Variants in RABL6 observed in about 807,000 individuals in gnomAD.
The protein encoded by RABL6 is RAB, member RAS oncogene family like 6, also known as rab-like protein 6.
In RABL6, 28 loss-of-function variants were observed where a neutral mutation model predicts 72.9. The ratio of observed to expected loss-of-function variants is 0.38; its 90% CI spans 0.28 to 0.53. The LOEUF (loss-of-function observed/expected upper bound fraction) is 0.53. Ranked by LOEUF, RABL6 falls within the 20% of genes least tolerant of loss-of-function variation. RABL6 has a pLI of 0.80. For synonymous variants in RABL6, 477 were observed against 421.2 expected, an observed-to-expected ratio of 1.13 and a Z score of -1.62; for missense variants, 1,029 against 1,008.4, an observed-to-expected ratio of 1.02 and a Z score of -0.28.
Position 136,812,759 on chromosome 9 carries a change from A to G in RABL6, c.130+4433A>G, listed in dbSNP as rs937565075. The stretch of plus-strand genomic sequence containing the variant: ...CAGCGTCCTTTCTTTCAAATGGGAG[A>G]GGGAAAGACAAAGGGACAGAAGCCG... On this transcript the variant is annotated intron_variant, in intron 1 of 14. Transcript: ENST00000311502. The G allele has an allele frequency of 4.4e-5, 14 of 320,566 alleles. No individual in the cohort carries two copies. The South Asian group carries it at 4.6e-4, about 10-fold the overall frequency. The allele number at this position is 320,566 out of a possible 1,614,324, so 19.9% of individuals were successfully genotyped here. A position where few individuals can be genotyped will look rare whatever the true frequency, so the allele number is the denominator to read the frequency against.
intron 7 of RABL6, chr9:136,834,603 C>T (rs780484928): frequency 4.2e-5 from 20 of 476,088 alleles, no homozygotes; most frequent in Non-Finnish European, 5.2e-5. Flanking sequence ...CTAAGCCTCC[C>T]AAGTAGCTGG....
At chr9:136,818,061 C>CAAAAAAA (rs35850059) in intron 1 of RABL6, among the ~76,000 whole-genome samples, 2 of 78,478 alleles carry the variant, frequency 2.5e-5, no homozygotes, top group Non-Finnish European at 4.5e-5. Context: ...GACTCCATCT[C>CAAAAAAA]AAAAAAAAAA....
intron 5 of RABL6, among the ~76,000 whole-genome samples, chr9:136,829,730 G>A (rs113350986): frequency 1.4e-4 from 22 of 152,378 alleles, no homozygotes; most frequent in African/African-American, 5.1e-4. Context: ...CTGGGGCAAG[G>A]CACGCACCTT....
intron 1 of RABL6, chr9:136,813,619 C>CT: frequency 3.4e-6 from 1 of 297,510 alleles, no homozygotes; most frequent in South Asian, 4.2e-5. Context: ...TCTTCAAACA[C>CT]TTTTTTGTTT....
chr9:136,835,564 G>A (rs950795648), intron 7 of RABL6, 178 bp from the exon 8 acceptor site: 2 of 587,768 alleles, frequency 3.4e-6, no homozygotes, highest in Non-Finnish European at 6.0e-6. Flanking sequence ...AATCCTCTGG[G>A]CTTCTGTGGT....
In RABL6 at chr9:136,829,504, G is replaced by A. The variant is rs754092358; in HGVS notation, c.458+20G>A. On this transcript the variant is annotated intron_variant, in intron 5 of 14. Coordinates refer to ENST00000311502, the MANE Select transcript of RABL6 (RefSeq NM_024718.5). Reference sequence around the variant, plus strand: ...GCAGTGGTAAGAGGGAGCTGGCGGGGGCAGCTGCCTGTGACTCTCACCCCC... The same window carrying A: ...GCAGTGGTAAGAGGGAGCTGGCGGGAGCAGCTGCCTGTGACTCTCACCCCC... The A allele has an allele frequency of 6.4e-6, 10 of 1,558,394 alleles. No individual in the cohort carries two copies. Among genetic ancestry groups the A allele is most frequent in the Non-Finnish European group, 7.8e-6 (9 of 1,150,430 alleles).
In RABL6 at chr9:136,807,955, G is replaced by A. The variant is rs1329314918; in HGVS notation, c.-242G>A. The A allele has an allele frequency of 2.0e-6, 2 of 1,000,286 alleles. No homozygotes were observed. The highest frequency in any genetic ancestry group is 2.4e-6 in the Non-Finnish European group (2 of 841,500). 62.0% of individuals were successfully genotyped at this position (1,000,286 alleles called of 1,614,324 possible). A position where few individuals can be genotyped will look rare whatever the true frequency, so the allele number is the denominator to read the frequency against. On this transcript the variant is annotated 5_prime_UTR_variant, in exon 1 of 15. Coordinates refer to ENST00000311502, the MANE Select transcript of RABL6 (RefSeq NM_024718.5). ...CCCGCCGAGCCGGCGCCAAGATGGC[G>A]GCGCTGACTCCTGGAGAGCGGTCGC...
intron 1 of RABL6, among the ~76,000 whole-genome samples, chr9:136,816,264 C>T (rs1328653979): frequency 1.3e-5 from 2 of 152,166 alleles, no homozygotes; most frequent in African/African-American, 4.8e-5. Context: ...GCCACCATGC[C>T]TGGCTGAGTT....
At chr9:136,839,650 T>C in intron 12 of RABL6, 44 bp from the exon 13 acceptor site, 1 of 1,550,540 alleles carries the variant, frequency 6.4e-7, no homozygotes. Context: ...CCCCTGGGGG[T>C]GTGGGAGGGA....
chr9:136,832,744 A>G (rs1363599488), intron 7 of RABL6: 4 of 348,670 alleles, frequency 1.1e-5, no homozygotes, highest in African/African-American at 6.4e-5. Context: ...CAATCCTCCC[A>G]CCTGTCTCCC....
intron 1 of RABL6, chr9:136,821,365 G>C: frequency 1.0e-6 from 1 of 985,492 alleles, no homozygotes; most frequent in Non-Finnish European, 1.2e-6. Flanking sequence ...ACCACCGCAT[G>C]TGGAAACCAC....
intron 1 of RABL6, among the ~76,000 whole-genome samples, chr9:136,823,075 G>A (rs1342318384): frequency 2.3e-5 from 3 of 130,490 alleles, no homozygotes; most frequent in South Asian, 2.8e-4. Context: ...GCAAAAAAGC[G>A]AGACTCCGTC....
At position 136,840,820 on chromosome 9, in the gene RABL6, C is replaced by T; in HGVS notation, c.*298C>T. 1.9e-6 allele frequency: 3 copies of T among 1,546,708 alleles called. No individual in the cohort carries two copies. Among genetic ancestry groups the T allele is most frequent in the South Asian group, 1.2e-5 (1 of 83,968 alleles). The stretch of plus-strand genomic sequence containing the variant: ...GTGTTTCTCAGGGATGTGACTGAGG[C>T]CCAGGAGGGACCTGTGAGGGTCTGT... On this transcript the variant is annotated 3_prime_UTR_variant, in exon 15 of 15. Transcript: ENST00000311502.
At chr9:136,822,911 A>C (rs981899493) in intron 1 of RABL6, among the ~76,000 whole-genome samples, 6 of 151,924 alleles carry the variant, frequency 3.9e-5, no homozygotes, top group Non-Finnish European at 7.4e-5. Context: ...ACACGGTGAA[A>C]CCCCGTCTCT....
At chr9:136,820,850 C>G (rs551702296) in intron 1 of RABL6, among the ~76,000 whole-genome samples, 1 of 152,184 alleles carries the variant, frequency 6.6e-6, no homozygotes, top group East Asian at 1.9e-4. Context: ...AATGGAAATT[C>G]AAGGAAAAGT....
intron 1 of RABL6, 115 bp from the exon 2 acceptor site, chr9:136,823,410 C>T: frequency 5.7e-6 from 8 of 1,393,990 alleles, no homozygotes; most frequent in Non-Finnish European, 7.8e-6. Context: ...CTGATTCTAG[C>T]AAGAAAGATG....
intron 7 of RABL6, chr9:136,833,660 G>T: frequency 1.9e-6 from 3 of 1,544,060 alleles, no homozygotes; most frequent in South Asian, 2.4e-5. Flanking sequence ...GGGCTGCCCC[G>T]ACTGGGTCTG....
chr9:136,831,279 A>G (rs1372112466), intron 5 of RABL6, among the ~76,000 whole-genome samples: 1 of 152,322 alleles, frequency 6.6e-6, no homozygotes, highest in African/African-American at 2.4e-5. Context: ...CTTCACCGGC[A>G]GCCGCAGAGG....
At chr9:136,831,523 GGGCTGCAGGCTGAGGGGTGCGAA>G (rs1848473422) in intron 5 of RABL6, among the ~76,000 whole-genome samples, 175 bp from the exon 6 acceptor site, 2 of 152,148 alleles carry the variant, frequency 1.3e-5, no homozygotes, top group South Asian at 4.1e-4. Context: ...GGACGGGCGG[GGGCTGCAGGCTGAGGGGTGCGAA>G]GGCCCTCGAG....
Sources: gnomAD v4.1 joint callset for allele counts (sites outside exome capture counted in the v4.1 genomes callset) on GRCh38, gnomAD v4.1.1 for gene constraint, MANE v1.5 for transcripts, NCBI Gene and HGNC (gene_info 2026-07-23, HGNC 2026-07-21) for gene names.